FNDC1: variants seen among roughly 807,000 people sequenced by gnomAD.
The protein encoded by FNDC1 is fibronectin type III domain-containing protein 1.
A neutral mutation model predicts 168.0 loss-of-function variants in FNDC1; 96 were observed. The ratio of observed to expected loss-of-function variants is 0.57; its 90% CI spans 0.48 to 0.68. FNDC1 has a LOEUF of 0.68. FNDC1 is among the 30% of genes least tolerant of loss of function. FNDC1 has a pLI of 0.00. For missense variants in FNDC1, 2,587 were observed against 2,482.1 expected (o/e 1.04, Z -0.90); for synonymous variants, 1,099 against 1,025.9 (o/e 1.07, Z -1.36).
In FNDC1 at chr6:159,265,056, T is replaced by C. The variant is rs1777562457; in HGVS notation, c.5284+52T>C. 5.1e-5 allele frequency: 74 copies of C among 1,460,318 alleles called. 2 individuals are homozygous for C. In the South Asian group the frequency reaches 8.8e-4, roughly 17 times the overall value. 90.5% of individuals were successfully genotyped at this position (1,460,318 alleles called of 1,614,324 possible). On this transcript the variant is annotated intron_variant, in intron 20 of 22. Transcript: ENST00000297267. ...ACATTCTGGTAATCAAGTTGAATAT[T>C]GAATATGAGATTGTTGTGATTACTC...
At chr6:159,219,337 C>T (rs917756341) in intron 5 of FNDC1, among the ~76,000 whole-genome samples, 8 of 152,320 alleles carry the variant, frequency 5.3e-5, no homozygotes, top group Admixed American at 2.0e-4. Context: ...CCACCTCACC[C>T]GGCCATTTCC....
Position 159,256,651 on chromosome 6 carries a change from T to G in FNDC1, c.5174+20T>G. On this transcript the variant is annotated intron_variant, in intron 18 of 22. Coordinates refer to ENST00000297267, the MANE Select transcript of FNDC1 (RefSeq NM_032532.3). ...CACGAGGTACGATGTGTCAGTCATT[T>G]AGAAAAGATGAGATCCATGTGCATG... 6.5e-7 allele frequency: 1 copy of G among 1,550,016 alleles called. No individual in the cohort carries two copies.
chr6:159,232,969 G>A lies in FNDC1; in HGVS notation c.2457G>A (p.Leu819=). The A allele has an allele frequency of 2.5e-6, 4 of 1,611,596 alleles. No homozygotes were observed. The highest frequency in any genetic ancestry group is 2.2e-5 in the East Asian group (1 of 44,838). Residue 819 remains leucine (L), a synonymous_variant, in exon 11 of 23, where the codon TTG becomes TTA. Coordinates refer to ENST00000297267, the MANE Select transcript of FNDC1 (RefSeq NM_032532.3). This position sits in a 1 kb window ranked among gnomAD's most constrained non-coding sequence, Gnocchi z 4.9. ...RARPASGHFH[L]LRHKPFAANG... ...GGCCTGCCTCTGGACACTTCCATTT[G>A]CTCAGACACAAACCCTTTGCTGCCA...
At chr6:159,199,535 C>T (rs1215005833) in intron 2 of FNDC1, among the ~76,000 whole-genome samples, 1 of 152,132 alleles carries the variant, frequency 6.6e-6, no homozygotes, top group Non-Finnish European at 1.5e-5. Flanking sequence ...TTCCCATGTG[C>T]TACATTTTAT....
chr6:159,229,786 C>T, intron 9 of FNDC1, 29 bp from the exon 10 acceptor site: 1 of 1,593,644 alleles, frequency 6.3e-7, no homozygotes, highest in Non-Finnish European at 8.6e-7. Flanking sequence ...TCAGTTTCCT[C>T]CTTCCAACCA....
chr6:159,268,991 T>TATCCATCC (rs199923245), intron 22 of FNDC1, among the ~76,000 whole-genome samples: 3,224 of 130,408 alleles, frequency 0.025, 73 homozygotes, highest in Admixed American at 0.073. Flanking sequence ...TGTATCTATT[T>TATCCATCC]ATCCATCCAT....
intron 17 of FNDC1, among the ~76,000 whole-genome samples, chr6:159,252,623 G>A (rs56923638): frequency 0.021 from 3,148 of 152,238 alleles, 109 homozygotes; most frequent in African/African-American, 0.072. Flanking sequence ...GGTGCTACAC[G>A]GACCGCCGTG....
At chr6:159,180,100 C>T (rs1405780465) in intron 1 of FNDC1, among the ~76,000 whole-genome samples, 1 of 152,156 alleles carries the variant, frequency 6.6e-6, no homozygotes, top group Admixed American at 6.5e-5. Context: ...AATGTATTAT[C>T]TTGCAGCTCC....
At chr6:159,191,704 A>G (rs1782144374) in intron 1 of FNDC1, among the ~76,000 whole-genome samples, 1 of 152,238 alleles carries the variant, frequency 6.6e-6, no homozygotes, top group South Asian at 2.1e-4. Flanking sequence ...TAAAGTATTC[A>G]TTTATTCACC....
rs769296623 is a variant in FNDC1 at position 159,234,393 on chromosome 6, C to G, written c.3881C>G (p.Pro1294Arg). 14 of 1,613,488 alleles carry G rather than the reference C, an allele frequency of 8.7e-6. No individual in the cohort carries two copies. The highest frequency in any genetic ancestry group is 7.7e-5 in the South Asian group (7 of 91,018). ...CCACCTGGCCACTTCTCCACCACCC[C>G]GATGCTGTCCTTGCGCCAGAGGATG... ...RAPPGHFSTT[P>R]MLSLRQRMMH... The change falls in exon 11 of 23, where the codon CCG becomes CGG. Residue 1294 changes from proline to arginine, a missense_variant. By Grantham distance (103) the Pro-to-Arg change is moderately radical. Coordinates refer to ENST00000297267, the MANE Select transcript of FNDC1 (RefSeq NM_032532.3).
chr6:159,267,886 A>G lies in FNDC1; in HGVS notation c.5529A>G (p.Thr1843=). 6.2e-7 allele frequency: 1 copy of G among 1,612,746 alleles called. No individual in the cohort carries two copies. Among genetic ancestry groups the G allele is most frequent in the Non-Finnish European group, 8.5e-7 (1 of 1,179,320 alleles). The change falls in exon 22 of 23, where the codon ACA becomes ACG. Residue 1843 remains threonine, a synonymous_variant. Transcript: ENST00000297267. Reference sequence around the variant, plus strand: ...TGGATTCACACCTTGATGGAAGAACAGGGCCTCAGTCCTATGTAGAAGCCC... The same window carrying G: ...TGGATTCACACCTTGATGGAAGAACGGGGCCTCAGTCCTATGTAGAAGCCC... ...QFVDSHLDGR[T]GPQSYVEALP...
At chr6:159,246,653 G>A (rs1208923340) in intron 14 of FNDC1, among the ~76,000 whole-genome samples, 2 of 152,194 alleles carry the variant, frequency 1.3e-5, no homozygotes, top group South Asian at 2.1e-4. Flanking sequence ...AACGTGGAGT[G>A]GGGTGTTTGC....
In FNDC1 at chr6:159,232,655, C is replaced by T; in HGVS notation, c.2143C>T (p.Pro715Ser). 6.2e-7 allele frequency: 1 copy of T among 1,613,256 alleles called. No individual in the cohort carries two copies. Among genetic ancestry groups the T allele is most frequent in the South Asian group, 1.1e-5 (1 of 90,934 alleles). ...AGAGGAAGATTCCAGTGCCTCAGCCCCACCCTCAAGACTTTCTCCACCCCA... is the reference window on the plus strand; with the variant it reads ...AGAGGAAGATTCCAGTGCCTCAGCCTCACCCTCAAGACTTTCTCCACCCCA... The part of the protein sequence containing the change: ...AAEEDSSASA[P>S]PSRLSPPHGG... The change falls in exon 11 of 23, where the codon CCA becomes TCA. Residue 715 changes from proline (P) to serine (S), a missense_variant. Physicochemically the swap from Pro to Ser is moderately conservative, Grantham distance 74 (BLOSUM62 -1). Transcript: ENST00000297267. The surrounding 1 kb of genome is among the most constrained non-coding windows in gnomAD (Gnocchi z 4.9).
chr6:159,250,377 C>G (rs1777228462), intron 16 of FNDC1, among the ~76,000 whole-genome samples: 1 of 152,196 alleles, frequency 6.6e-6, no homozygotes, highest in African/African-American at 2.4e-5. Context: ...AATAGAGAAA[C>G]TAAAAACTGC....
intron 8 of FNDC1, among the ~76,000 whole-genome samples, 170 bp downstream of exon 8, chr6:159,225,892 A>T (rs932814923): frequency 2.6e-5 from 4 of 152,252 alleles, no homozygotes; most frequent in Non-Finnish European, 5.9e-5. Context: ...AAAGAAGTTA[A>T]GGAACTGTTT....
intron 12 of FNDC1, among the ~76,000 whole-genome samples, chr6:159,237,498 G>A (rs907436432): frequency 1.3e-5 from 2 of 152,188 alleles, no homozygotes; most frequent in Admixed American, 1.3e-4. Context: ...CTTTCTTCAA[G>A]TTTTACAGTT....
At chr6:159,187,741 T>A (rs1221417863) in intron 1 of FNDC1, among the ~76,000 whole-genome samples, 1 of 152,172 alleles carries the variant, frequency 6.6e-6, no homozygotes, top group Non-Finnish European at 1.5e-5. Flanking sequence ...AATTCCAACA[T>A]CCATTTGAAA....
chr6:159,225,329 A>T (rs2114980646), intron 7 of FNDC1, among the ~76,000 whole-genome samples: 1 of 150,490 alleles, frequency 6.6e-6, no homozygotes, highest in South Asian at 2.1e-4. Flanking sequence ...TTGAAAAGAC[A>T]CTAAGCTCTG....
chr6:159,254,789 C>T (rs1223061638), intron 17 of FNDC1, among the ~76,000 whole-genome samples: 1 of 152,060 alleles, frequency 6.6e-6, no homozygotes, highest in Non-Finnish European at 1.5e-5. Flanking sequence ...GTCTGTGTTT[C>T]CCATTTCAGA....
Sources: gnomAD v4.1 joint callset for allele counts (sites outside exome capture counted in the v4.1 genomes callset) on GRCh38, gnomAD v4.1.1 for gene constraint, Gnocchi (gnomAD v3.1) non-coding constraint, MANE v1.5 for transcripts, NCBI Gene and HGNC (gene_info 2026-07-23, HGNC 2026-07-21) for gene names.